The following RAD51B variants were observed in gnomAD, a reference collection of about 807,000 sequenced individuals.
The protein encoded by RAD51B is DNA repair protein RAD51 homolog 2.
Under a neutral mutation model 42.2 loss-of-function variants are expected in RAD51B, and 38 were observed. The ratio of observed to expected loss-of-function variants is 0.90; its 90% CI spans 0.70 to 1.18. The LOEUF is 1.18. Ranked by LOEUF, RAD51B falls within the 50% of genes most tolerant of loss-of-function variation. The probability of loss-of-function intolerance (pLI) is 0.00; values close to 1 mark genes in which losing one functional copy is unlikely to be tolerated. For synonymous variants in RAD51B, 154 were observed against 145.2 expected (o/e 1.06, Z -0.43); for missense variants, 373 against 400.7 (o/e 0.93, Z 0.59).
chr14:68,429,853 T>C (rs1284620173), intron 9 of RAD51B, among the ~76,000 whole-genome samples: 1 of 150,122 alleles, frequency 6.7e-6, no homozygotes, highest in Non-Finnish European at 1.5e-5. Context: ...ATTGCCTAGG[T>C]TTTCTTCTAG....
At chr14:68,403,367 G>A (rs2084172146) in intron 8 of RAD51B, among the ~76,000 whole-genome samples, 1 of 151,056 alleles carries the variant, frequency 6.6e-6, no homozygotes, top group African/African-American at 2.4e-5. Flanking sequence ...CCCTTTTGCT[G>A]CAGGGCAAAT....
intron 8 of RAD51B, among the ~76,000 whole-genome samples, chr14:68,308,006 AT>A (rs890687731): frequency 1.3e-4 from 20 of 151,424 alleles, no homozygotes; most frequent in East Asian, 7.8e-4. Context: ...TGATGCAGTG[AT>A]TTTTTTTTCG....
rs562314639 is a variant in RAD51B at position 68,512,571 on chromosome 14, C to T, written c.1036+44321C>T. On this transcript the variant is annotated intron_variant, in intron 10 of 10. Coordinates refer to the RAD51B transcript ENST00000487270. ...TGTGTAGAGTGAGACAGCCTAAGCC[C>T]ACCTCTGCCCTGGCCCCCACACTCT... 6.6e-4 allele frequency among the ~76,000 whole-genome samples: 101 copies of T among 152,172 alleles called. 2 individuals are homozygous for T. In the South Asian group the frequency reaches 0.013, roughly 20 times the overall value.
chr14:68,613,603 A>C (rs544887301), downstream of RAD51B, among the ~76,000 whole-genome samples: 3 of 151,946 alleles, frequency 2.0e-5, no homozygotes, highest in East Asian at 5.8e-4. Context: ...ACAGGAGCCC[A>C]CCACCACACC....
intron 8 of RAD51B, among the ~76,000 whole-genome samples, chr14:68,354,734 T>A (rs56399929): frequency 0.47 from 71,328 of 151,362 alleles, 18,141 homozygotes; most frequent in Admixed American, 0.62. Flanking sequence ...TTTTTTTTTT[T>A]AATTATTAAG....
chr14:68,331,367 C>CAAACAAAAAAAAAAAAA (rs2082344804), intron 8 of RAD51B, among the ~76,000 whole-genome samples: 1 of 32,948 alleles, frequency 3.0e-5, no homozygotes, highest in Non-Finnish European at 7.6e-5. Flanking sequence ...GACTCTGTCT[C>CAAACAAAAAAAAAAAAA]AAAAAAAAAA....
At chr14:68,617,437 C>T (rs1054625129) in intron 10 of RAD51B, among the ~76,000 whole-genome samples, 1 of 152,188 alleles carries the variant, frequency 6.6e-6, no homozygotes, top group Admixed American at 6.5e-5. Flanking sequence ...CAGCTTATAG[C>T]TTCTGGTCAT....
At chr14:67,921,730 A>C (rs898234646) in intron 7 of RAD51B, among the ~76,000 whole-genome samples, 3 of 152,088 alleles carry the variant, frequency 2.0e-5, no homozygotes, top group African/African-American at 7.2e-5. Flanking sequence ...AAAACAAAAA[A>C]CAAAAATCCC....
At chr14:68,610,852 T>C (rs1891649820) in intron 10 of RAD51B, among the ~76,000 whole-genome samples, 1 of 50,080 alleles carries the variant, frequency 2.0e-5, no homozygotes. Flanking sequence ...TATGTGTGTG[T>C]GTGTGTGTGT....
At chr14:68,044,573 ATCTT>A (rs2076268813) in intron 7 of RAD51B, among the ~76,000 whole-genome samples, 1 of 152,176 alleles carries the variant, frequency 6.6e-6, no homozygotes, top group Admixed American at 6.5e-5. Context: ...AACTTTCTAT[ATCTT>A]TATTTAAATA....
chr14:68,506,727 T>G (rs1359675291), intron 10 of RAD51B, among the ~76,000 whole-genome samples: 1 of 151,972 alleles, frequency 6.6e-6, no homozygotes, highest in Non-Finnish European at 1.5e-5. Context: ...GGAGAAGGTT[T>G]GGGAATGGCT....
chr14:67,992,884 C>A (rs542375179), intron 7 of RAD51B, among the ~76,000 whole-genome samples: 25 of 152,042 alleles, frequency 1.6e-4, no homozygotes, highest in African/African-American at 5.3e-4. Flanking sequence ...TCAGAGTAAC[C>A]AGGTTCATTG....
intron 7 of RAD51B, among the ~76,000 whole-genome samples, chr14:68,061,053 CTTTTTTTTTTTTT>C (rs755916680): frequency 8.9e-5 from 9 of 101,286 alleles, no homozygotes; most frequent in East Asian, 3.1e-4. Context: ...TATTTGAGGT[CTTTTTTTTTTTTT>C]TTTTTTTTTT....
chr14:68,462,778 C>A (rs1821339315), intron 9 of RAD51B, among the ~76,000 whole-genome samples: 1 of 152,140 alleles, frequency 6.6e-6, no homozygotes, highest in South Asian at 2.1e-4. Flanking sequence ...CCAAGCTGGT[C>A]TGATATGAAG....
At chr14:68,551,605 C>CTTTT (rs374609210) in intron 10 of RAD51B, among the ~76,000 whole-genome samples, 427 of 152,306 alleles carry the variant, frequency 2.8e-3, no homozygotes, top group African/African-American at 9.9e-3. Context: ...GGATTTCTCT[C>CTTTT]TTTTTCTAGA....
downstream of RAD51B, among the ~76,000 whole-genome samples, chr14:68,479,773 A>G (rs538635920): frequency 1.3e-5 from 2 of 149,780 alleles, no homozygotes; most frequent in Non-Finnish European, 3.0e-5. Flanking sequence ...GGCTCAAGCA[A>G]TACTCCAACC....
At chr14:68,653,884 A>G (rs771540501) in intron 11 of RAD51B, among the ~76,000 whole-genome samples, 1 of 152,252 alleles carries the variant, frequency 6.6e-6, no homozygotes, top group Non-Finnish European at 1.5e-5. Context: ...CAGGGGTACC[A>G]CAGAACAAGT....
intron 8 of RAD51B, among the ~76,000 whole-genome samples, chr14:68,368,534 C>A (rs1005615023): frequency 3.3e-5 from 5 of 152,198 alleles, no homozygotes; most frequent in Admixed American, 3.3e-4. Flanking sequence ...CTAGAGAGGG[C>A]AAATTGATTT....
intron 10 of RAD51B, among the ~76,000 whole-genome samples, chr14:68,472,345 T>A (rs2140242753): frequency 6.6e-6 from 1 of 152,246 alleles, no homozygotes; most frequent in East Asian, 1.9e-4. Context: ...AGCTGGGCTG[T>A]GTTGCTGGCG....
Sources: gnomAD v4.1 joint callset for allele counts (sites outside exome capture counted in the v4.1 genomes callset) on GRCh38, gnomAD v4.1.1 for gene constraint, MANE v1.5 for transcripts, NCBI Gene and HGNC (gene_info 2026-07-23, HGNC 2026-07-21) for gene names.